FAM167A: variants seen among roughly 807,000 people sequenced by gnomAD.
The protein encoded by FAM167A is family with sequence similarity 167 member A, also known as protein FAM167A.
FAM167A carries 23 observed loss-of-function variants against 14.9 expected under a neutral mutation model. That is an observed-to-expected ratio of 1.55 (90% CI 1.11 to 2.19). FAM167A has a LOEUF of 2.19. Among genes scored for constraint, FAM167A ranks in the 30% most tolerant of loss-of-function variants. The pLI is 0.00. For synonymous variants in FAM167A, 174 were observed against 117.7 expected (o/e 1.48, Z -3.10); for missense variants, 401 against 281.5 (o/e 1.42, Z -3.04).
upstream of FAM167A, among the ~76,000 whole-genome samples, chr8:11,467,313 T>C (rs1382013312): frequency 6.6e-6 from 1 of 152,224 alleles, no homozygotes; most frequent in East Asian, 1.9e-4. Context: ...GGGCGCGGCA[T>C]CGGCCACCTC....
chr8:11,439,243 C>G (rs1806268928), intron 2 of FAM167A, among the ~76,000 whole-genome samples: 1 of 152,244 alleles, frequency 6.6e-6, no homozygotes, highest in African/African-American at 2.4e-5. Flanking sequence ...AGCCTTCTTG[C>G]AGGATAGTGT....
chr8:11,444,903 G>A, intron 1 of FAM167A, 95 bp from the exon 2 acceptor site: 1 of 932,308 alleles, frequency 1.1e-6, no homozygotes, highest in Non-Finnish European at 1.3e-6. Context: ...CTGAGGCTCA[G>A]AGTGGACTGG....
chr8:11,463,026 A>G (rs1807600241), intron 1 of FAM167A, among the ~76,000 whole-genome samples: 1 of 152,154 alleles, frequency 6.6e-6, no homozygotes, highest in Non-Finnish European at 1.5e-5. Flanking sequence ...CAGAGAGCAG[A>G]TTGCTGGGCT....
rs35016569 is a variant in FAM167A at position 11,422,355 on chromosome 8, C to CGT, written c.*2016_*2017dup. On this transcript the variant is annotated 3_prime_UTR_variant, in exon 3 of 3. Transcript: ENST00000284486. The stretch of plus-strand genomic sequence containing the variant: ...AGGATGTTTATGGCATGTTCTCTGT[C>CGT]GTGTGTGTGTGTGTGGGGGTGTGTG... 1.6e-3 allele frequency: 216 copies of CGT among 134,010 alleles called. 2 individuals are homozygous for CGT. Among genetic ancestry groups the CGT allele is most frequent in the Non-Finnish European group, 2.6e-3 (160 of 62,208 alleles). The allele number at this position is 134,010 out of a possible 1,614,324, so 8.3% of individuals were successfully genotyped here.
At chr8:11,464,488 C>T (rs191236159) in intron 1 of FAM167A, among the ~76,000 whole-genome samples, 2 of 152,318 alleles carry the variant, frequency 1.3e-5, no homozygotes, top group East Asian at 1.9e-4. Context: ...TCCTCAGCCC[C>T]TCAAGGTCTG....
rs1804827532 is a variant in FAM167A at position 11,422,533 on chromosome 8, A to C, written c.*1840T>G. 6.5e-6 allele frequency: 1 copy of C among 152,674 alleles called. No individual in the cohort carries two copies. The highest frequency in any genetic ancestry group is 6.5e-5 in the Admixed American group (1 of 15,272). 9.5% of individuals were successfully genotyped at this position (152,674 alleles called of 1,614,324 possible). Reference sequence around the variant, plus strand: ...AGCAGTACATGGTCCTCAGGCCTGCAGACTTCATTGCACAGAGCATGGCAG... The same window carrying C: ...AGCAGTACATGGTCCTCAGGCCTGCCGACTTCATTGCACAGAGCATGGCAG... On this transcript the variant is annotated 3_prime_UTR_variant, in exon 3 of 3. Coordinates refer to ENST00000284486, the MANE Select transcript of FAM167A (RefSeq NM_053279.3).
chr8:11,449,905 C>A (rs921762658), intron 1 of FAM167A, among the ~76,000 whole-genome samples: 2 of 152,372 alleles, frequency 1.3e-5, no homozygotes, highest in Non-Finnish European at 2.9e-5. Flanking sequence ...AATCTGTTCA[C>A]CTGGAAAACG....
At chr8:11,438,340 T>G in intron 2 of FAM167A, 1 of 430,328 alleles carries the variant, frequency 2.3e-6, no homozygotes, top group South Asian at 1.7e-5. Context: ...CCCCAACTCA[T>G]CAGCTCTCAC....
At chr8:11,432,841 A>C (rs1415436264) in intron 2 of FAM167A, among the ~76,000 whole-genome samples, 1 of 152,224 alleles carries the variant, frequency 6.6e-6, no homozygotes, top group Non-Finnish European at 1.5e-5. Context: ...AGACTGGATT[A>C]AGAAAATGTG....
chr8:11,425,183 C>CT (rs768718023), intron 2 of FAM167A, among the ~76,000 whole-genome samples: 83 of 152,268 alleles, frequency 5.5e-4, no homozygotes, highest in Admixed American at 2.4e-3. Context: ...AAATTGGTTC[C>CT]TAGGTACTGG....
chr8:11,466,583 C>G (rs1329341092), intron 1 of FAM167A, 43 bp downstream of exon 1: 1 of 152,436 alleles, frequency 6.6e-6, no homozygotes, highest in African/African-American at 2.4e-5. Context: ...GCGGCCACAC[C>G]TCCCAGTCCC....
intron 2 of FAM167A, among the ~76,000 whole-genome samples, chr8:11,436,031 C>G (rs1805984135): frequency 6.6e-6 from 1 of 152,208 alleles, no homozygotes; most frequent in South Asian, 2.1e-4. Flanking sequence ...CTCCTCACAG[C>G]CTGGCTCAGG....
At chr8:11,445,560 C>T (rs762744362) in intron 1 of FAM167A, 16 of 985,430 alleles carry the variant, frequency 1.6e-5, no homozygotes, top group Non-Finnish European at 1.8e-5. Context: ...TAAGTGCCCG[C>T]ATGGCAGCAC....
chr8:11,438,599 T>C, intron 2 of FAM167A: 2 of 428,886 alleles, frequency 4.7e-6, no homozygotes, highest in Non-Finnish European at 9.2e-6. Flanking sequence ...TCGAAAACTA[T>C]AAAAAAGTCA....
At chr8:11,442,942 A>T (rs1806527620) in intron 2 of FAM167A, among the ~76,000 whole-genome samples, 1 of 152,308 alleles carries the variant, frequency 6.6e-6, no homozygotes, top group African/African-American at 2.4e-5. Context: ...GGATTCTCTC[A>T]GCCCCTGAGG....
At chr8:11,436,145 A>C (rs1477714203) in intron 2 of FAM167A, among the ~76,000 whole-genome samples, 1 of 152,202 alleles carries the variant, frequency 6.6e-6, no homozygotes, top group African/African-American at 2.4e-5. Flanking sequence ...GGGGTTGGGT[A>C]GGGCTGTGTT....
chr8:11,447,918 G>A (rs530031050), intron 1 of FAM167A, among the ~76,000 whole-genome samples: 6 of 152,332 alleles, frequency 3.9e-5, no homozygotes, highest in South Asian at 2.1e-4. Context: ...AGAATTGGCC[G>A]GGCGCCGTGG....
chr8:11,465,092 A>G (rs890253574), intron 1 of FAM167A, among the ~76,000 whole-genome samples: 4 of 152,206 alleles, frequency 2.6e-5, no homozygotes, highest in African/African-American at 9.7e-5. Flanking sequence ...TCAGGTGGGA[A>G]GAATTGAGGC....
In FAM167A at chr8:11,444,601, A is replaced by G. The variant is rs1456023409; in HGVS notation, c.-190T>C. On this transcript the variant is annotated 5_prime_UTR_variant, in exon 2 of 3. Coordinates refer to ENST00000284486, the MANE Select transcript of FAM167A (RefSeq NM_053279.3). Reference sequence around the variant, plus strand: ...AGAGGGACCGCGCAGTGAGCCGCACAGGGCGCCCTCCTGGAGGCTCGGGTC... The same window carrying G: ...AGAGGGACCGCGCAGTGAGCCGCACGGGGCGCCCTCCTGGAGGCTCGGGTC... 62 of 1,397,176 alleles carry G rather than the reference A, an allele frequency of 4.4e-5. No homozygotes were observed. The highest frequency in any genetic ancestry group is 7.4e-6 in the Non-Finnish European group (8 of 1,082,452). The allele number at this position is 1,397,176 out of a possible 1,614,324, so 86.5% of individuals were successfully genotyped here. A position where few individuals can be genotyped will look rare whatever the true frequency, so the allele number is the denominator to read the frequency against.
Sources: allele counts gnomAD v4.1 joint callset (sites outside exome capture counted in the v4.1 genomes callset), GRCh38; gene constraint gnomAD v4.1.1; transcripts MANE v1.5; gene names NCBI Gene and HGNC (gene_info 2026-07-23, HGNC 2026-07-21).